HPGDS: variants seen among roughly 807,000 people sequenced by gnomAD.
HPGDS encodes the protein hematopoietic prostaglandin D synthase.
HPGDS carries 26 observed loss-of-function variants against 23.1 expected under a neutral mutation model. The ratio of observed to expected loss-of-function variants is 1.13; its 90% CI spans 0.83 to 1.56. The LOEUF (loss-of-function observed/expected upper bound fraction) is 1.56. Among genes scored for constraint, HPGDS ranks in the 40% most tolerant of loss-of-function variants. The pLI is 0.00. For synonymous variants in HPGDS, 95 were observed against 77.9 expected, an observed-to-expected ratio of 1.22 and a Z score of -1.16; for missense variants, 268 against 236.4, an observed-to-expected ratio of 1.13 and a Z score of -0.88.
At chr4:94,331,557 C>T (rs1312312849) in intron 2 of HPGDS, among the ~76,000 whole-genome samples, 3 of 152,232 alleles carry the variant, frequency 2.0e-5, no homozygotes, top group Non-Finnish European at 4.4e-5. Flanking sequence ...AAGAAACTCT[C>T]GATCGTTCAT....
chr4:94,299,612 G>T lies in HPGDS; in HGVS notation c.468C>A (p.Cys156Ter). Residue 156 changes from cysteine (C) to a stop codon, truncating the protein, a stop_gained, in exon 6 of 6, where the codon TGC becomes TGA. Transcript: ENST00000295256. LOFTEE classifies it high-confidence loss of function. ...GCTTAAAGACCAAAAGTGTGGTACT[G>T]CAAATCTCCCAGTAGAAGTCTGCCC... The part of the protein sequence containing the change: ...VTWADFYWEI[C>*]STTLLVFKPD... The T allele has an allele frequency of 6.2e-7, 1 of 1,613,978 alleles. No individual in the cohort carries two copies. Among genetic ancestry groups the T allele is most frequent in the Non-Finnish European group, 8.5e-7 (1 of 1,179,920 alleles).
rs1313170853 is a variant in HPGDS at position 94,299,546 on chromosome 4, C to T, written c.534G>A (p.Arg178=). The T allele has an allele frequency of 1.2e-6, 2 of 1,613,854 alleles. No homozygotes were observed. The highest frequency in any genetic ancestry group is 1.7e-5 in the Admixed American group (1 of 59,980). Residue 178 remains arginine, a synonymous_variant, in exon 6 of 6, where the codon CGG becomes CGA. Coordinates refer to ENST00000295256, the MANE Select transcript of HPGDS (RefSeq NM_014485.3). ...CGGCAGGAATGGCTTGGACTTTCTTCCGTAAAGTCACCAGCCTTGGATGGT... is the reference window on the plus strand; with the variant it reads ...CGGCAGGAATGGCTTGGACTTTCTTTCGTAAAGTCACCAGCCTTGGATGGT... The part of the protein sequence containing the change: ...LDNHPRLVTL[R]KKVQAIPAVA...
intron 2 of HPGDS, among the ~76,000 whole-genome samples, chr4:94,322,782 A>C (rs1215146725): frequency 6.6e-6 from 1 of 151,870 alleles, no homozygotes; most frequent in Admixed American, 6.6e-5. Context: ...TTCTGATCTT[A>C]CTTATTTCTT....
intron 4 of HPGDS, among the ~76,000 whole-genome samples, chr4:94,307,748 G>A (rs1333298561): frequency 6.6e-6 from 1 of 152,136 alleles, no homozygotes; most frequent in African/African-American, 2.4e-5. Context: ...GGATACTGTG[G>A]AAAGTCAGCA....
chr4:94,310,813 G>A (rs139058568), intron 3 of HPGDS, among the ~76,000 whole-genome samples: 5 of 152,028 alleles, frequency 3.3e-5, no homozygotes, highest in African/African-American at 1.2e-4. Flanking sequence ...TTATTTTGTT[G>A]AGCAGTGTTT....
At chr4:94,307,857 A>C (rs1756168297) in intron 4 of HPGDS, among the ~76,000 whole-genome samples, 1 of 152,200 alleles carries the variant, frequency 6.6e-6, no homozygotes, top group East Asian at 1.9e-4. Context: ...AGTTCTGTGC[A>C]TTATTTGCAT....
rs369067445 is a variant in HPGDS at position 94,308,684 on chromosome 4, C to T, written c.286G>A (p.Asp96Asn). ...CHVDAIVDTL[D>N]DFMSCFPWAE... ...CAAGGAAAACATGACATGAAATCAT[C>T]CAGAGTGTCCACAATAGCATCAACA... The change falls in exon 4 of 6, where the codon GAT becomes AAT. Residue 96 changes from aspartate to asparagine, a missense_variant. Coordinates refer to ENST00000295256, the MANE Select transcript of HPGDS (RefSeq NM_014485.3). 2 of 1,610,066 alleles carry T rather than the reference C, an allele frequency of 1.2e-6. No homozygotes were observed. Among genetic ancestry groups the T allele is most frequent in the Non-Finnish European group, 1.7e-6 (2 of 1,177,296 alleles).
chr4:94,326,375 G>T (rs1163880621), intron 2 of HPGDS, among the ~76,000 whole-genome samples: 1 of 152,076 alleles, frequency 6.6e-6, no homozygotes, highest in Non-Finnish European at 1.5e-5. Flanking sequence ...TTTCCCAAAT[G>T]ATGTAATACA....
intron 2 of HPGDS, among the ~76,000 whole-genome samples, chr4:94,322,664 T>C (rs1022619887): frequency 6.6e-6 from 1 of 152,190 alleles, no homozygotes; most frequent in African/African-American, 2.4e-5. Flanking sequence ...TTCTTCTTTA[T>C]TAGTCTTGCT....
At chr4:94,300,744 C>A (rs1353031119) in intron 5 of HPGDS, among the ~76,000 whole-genome samples, 1 of 151,540 alleles carries the variant, frequency 6.6e-6, no homozygotes, top group Non-Finnish European at 1.5e-5. Flanking sequence ...AAAGTGAAGT[C>A]ATGTGATGGA....
chr4:94,307,988 C>A (rs1443886933), intron 4 of HPGDS, among the ~76,000 whole-genome samples: 1 of 152,012 alleles, frequency 6.6e-6, no homozygotes, highest in East Asian at 1.9e-4. Flanking sequence ...AGGTTGAGAT[C>A]CCTTATCCAA....
rs1407781913 is a variant in HPGDS at position 94,340,337 on chromosome 4, T to C, written c.-10+2458A>G. On this transcript the variant is annotated intron_variant, in intron 1 of 5. Transcript: ENST00000295256. ...TTTTTTTTTTTTTTTTTTTTTTTTT[T>C]TTTTTTTTTTTTTTTTTTTGAGACG... Among the ~76,000 whole-genome samples, 54 of 52,040 alleles carry C rather than the reference T, an allele frequency of 1.0e-3. 2 individuals are homozygous for C. Among genetic ancestry groups the C allele is most frequent in the Admixed American group, 1.7e-3 (8 of 4,604 alleles). 34.1% of individuals were successfully genotyped at this position (52,040 alleles called of 152,430 possible). A position where few individuals can be genotyped will look rare whatever the true frequency, so the allele number is the denominator to read the frequency against.
At chr4:94,323,942 G>T (rs1756574257) in intron 2 of HPGDS, among the ~76,000 whole-genome samples, 1 of 152,126 alleles carries the variant, frequency 6.6e-6, no homozygotes, top group Non-Finnish European at 1.5e-5. Context: ...AGGAGCTCTT[G>T]TAAGCAGACC....
chr4:94,318,212 C>T (rs1449172705), intron 2 of HPGDS, among the ~76,000 whole-genome samples: 1 of 152,108 alleles, frequency 6.6e-6, no homozygotes, highest in African/African-American at 2.4e-5. Flanking sequence ...TTTATAGTGA[C>T]ACCATATACT....
At chr4:94,309,629 C>T (rs1028901677) in intron 3 of HPGDS, among the ~76,000 whole-genome samples, 1 of 151,996 alleles carries the variant, frequency 6.6e-6, no homozygotes, top group African/African-American at 2.4e-5. Flanking sequence ...ATTTATAATC[C>T]TTTGGGTATA....
chr4:94,317,375 C>T (rs183852048), intron 3 of HPGDS, among the ~76,000 whole-genome samples: 1,739 of 152,148 alleles, frequency 0.011, 35 homozygotes, highest in African/African-American at 0.04. Flanking sequence ...TGCAACAATC[C>T]GGAAGCCAAG....
chr4:94,323,591 T>C (rs1426621066), intron 2 of HPGDS, among the ~76,000 whole-genome samples: 1 of 151,036 alleles, frequency 6.6e-6, no homozygotes, highest in African/African-American at 2.4e-5. Context: ...CAACCCCTCC[T>C]TTTTTTTTGT....
Position 94,317,920 on chromosome 4 carries a change from G to C in HPGDS, c.179C>G (p.Thr60Ser). Residue 60 changes from threonine (T) to serine (S), a missense_variant, in exon 3 of 6, where the codon ACT (threonine) becomes AGT (serine). Thr to Ser is a moderately conservative substitution (Grantham distance 58, BLOSUM62 1). Coordinates refer to ENST00000295256, the MANE Select transcript of HPGDS (RefSeq NM_014485.3). ...TGCTATTGCTAGGCTCTGGTGAAGA[G>C]TAAGTCCATCAACTTCCAAAATGGG... ...KIPILEVDGL[T>S]LHQSLAIARY... 6.2e-7 allele frequency: 1 copy of C among 1,612,236 alleles called. No homozygotes were observed.
At chr4:94,326,192 A>G (rs1330709042) in intron 2 of HPGDS, among the ~76,000 whole-genome samples, 1 of 152,098 alleles carries the variant, frequency 6.6e-6, no homozygotes, top group African/African-American at 2.4e-5. Flanking sequence ...ATGTTTAATG[A>G]CTTTAATGTT....
Sources: gnomAD v4.1 joint callset for allele counts (sites outside exome capture counted in the v4.1 genomes callset) on GRCh38, gnomAD v4.1.1 for gene constraint, MANE v1.5 for transcripts, NCBI Gene and HGNC (gene_info 2026-07-23, HGNC 2026-07-21) for gene names.